Variants in TLK2 observed in about 807,000 individuals in gnomAD.
TLK2 encodes tousled like kinase 2.
A neutral mutation model predicts 117.3 loss-of-function variants in TLK2; 6 were observed. That is an observed-to-expected ratio of 0.05 (90% CI 0.03 to 0.10). TLK2 has a LOEUF of 0.10. Among genes scored for constraint, TLK2 ranks in the 10% least tolerant of loss-of-function variants. The pLI is 1.00. For missense variants in TLK2, 299 were observed against 901.2 expected (o/e 0.33, Z 8.56); for synonymous variants, 257 against 316.7 (o/e 0.81, Z 2.00).
chr17:62,559,990 A>C (rs2146338172), intron 9 of TLK2, 26 bp from the exon 10 acceptor site: 1 of 1,507,298 alleles, frequency 6.6e-7, no homozygotes, highest in African/African-American at 1.4e-5. Context: ...CCTTGGAGCT[A>C]ATTAAAAATT....
intron 11 of TLK2, among the ~76,000 whole-genome samples, chr17:62,567,329 G>T (rs1036048525): frequency 5.9e-5 from 9 of 152,206 alleles, no homozygotes; most frequent in African/African-American, 2.2e-4. Flanking sequence ...GCCCACGAGG[G>T]TCTGGAAATC....
intron 18 of TLK2, among the ~76,000 whole-genome samples, chr17:62,601,479 T>C (rs1598872310): frequency 6.6e-6 from 1 of 152,226 alleles, no homozygotes; most frequent in Non-Finnish European, 1.5e-5. Flanking sequence ...TTGCGTCTCA[T>C]TGACTATTCT....
At chr17:62,568,079 G>T (rs1236130357) in intron 11 of TLK2, among the ~76,000 whole-genome samples, 3 of 152,054 alleles carry the variant, frequency 2.0e-5, no homozygotes, top group African/African-American at 7.2e-5. Flanking sequence ...ACAGTCCATG[G>T]CAAGGCAATA....
At chr17:62,478,314 C>G (rs918169690), upstream of TLK2, among the ~76,000 whole-genome samples, 2 of 151,450 alleles carry the variant, frequency 1.3e-5, no homozygotes, top group Non-Finnish European at 3.0e-5. Flanking sequence ...ACTCGCGGAG[C>G]CGAGGGGCTG....
intron 11 of TLK2, among the ~76,000 whole-genome samples, chr17:62,565,891 C>A (rs549113226): frequency 6.6e-6 from 1 of 152,088 alleles, no homozygotes; most frequent in Non-Finnish European, 1.5e-5. Context: ...CACTGAAGAA[C>A]TTTATAGGAC....
chr17:62,513,486 G>T (rs2075323378), intron 2 of TLK2, among the ~76,000 whole-genome samples: 3 of 151,692 alleles, frequency 2.0e-5, no homozygotes, highest in Admixed American at 2.0e-4. Flanking sequence ...ACCATGGCTG[G>T]CTAACTTTTT....
chr17:62,483,965 A>G lies in TLK2; in HGVS notation c.81+2759A>G, dbSNP rs11526091. On this transcript the variant is annotated intron_variant, in intron 2 of 21. Transcript: ENST00000346027. ...CTCAGCCTCCTGAGTAGCTGGGACTATAGGCACCTGCTACCATGCCCAGCT... is the reference window on the plus strand; with the variant it reads ...CTCAGCCTCCTGAGTAGCTGGGACTGTAGGCACCTGCTACCATGCCCAGCT... Among the ~76,000 whole-genome samples, 6,142 of 152,022 alleles carry G rather than the reference A, an allele frequency of 0.04. 755 individuals are homozygous for G. The East Asian group carries it at 0.43, about 11-fold the overall frequency.
Position 62,522,279 on chromosome 17 carries a change from A to G in TLK2, c.223+6A>G, listed in dbSNP as rs560832576. 378 of 1,610,352 alleles carry G rather than the reference A, an allele frequency of 2.3e-4. 5 individuals are homozygous for G. The South Asian group carries it at 4.1e-3, about 17-fold the overall frequency. On this transcript the variant is annotated splice_donor_region_variant and intron_variant, in intron 4 of 21. Coordinates refer to ENST00000346027, the MANE Select transcript of TLK2 (RefSeq NM_006852.6). Reference sequence around the variant, plus strand: ...ACCATATGAAACTAGCCAAGGTAGTAATAATTTCGTATCAACAAAAGTACT... The same window carrying G: ...ACCATATGAAACTAGCCAAGGTAGTGATAATTTCGTATCAACAAAAGTACT...
chr17:62,532,303 TA>T lies in TLK2; in HGVS notation c.364-3864del, dbSNP rs371696139. 5.7e-3 allele frequency among the ~76,000 whole-genome samples: 868 copies of T among 152,298 alleles called. 7 individuals carry two copies. The highest frequency in any genetic ancestry group is 0.02 in the African/African-American group (827 of 41,564). On this transcript the variant is annotated intron_variant, in intron 6 of 21. Coordinates refer to ENST00000346027, the MANE Select transcript of TLK2 (RefSeq NM_006852.6). Reference sequence around the variant, plus strand: ...CATAGTGTATTTACAGAAATGTTTTTAAATCTTTCAATCCTTGGCAGGTATT... The same window carrying T: ...CATAGTGTATTTACAGAAATGTTTTTAATCTTTCAATCCTTGGCAGGTATT...
At chr17:62,534,372 G>GT (rs1567867108) in intron 6 of TLK2, among the ~76,000 whole-genome samples, 1 of 152,134 alleles carries the variant, frequency 6.6e-6, no homozygotes, top group Non-Finnish European at 1.5e-5. Flanking sequence ...TGATATTACC[G>GT]TTTAACTTAG....
At chr17:62,561,645 T>C (rs2079286473) in intron 10 of TLK2, among the ~76,000 whole-genome samples, 1 of 152,262 alleles carries the variant, frequency 6.6e-6, no homozygotes, top group Non-Finnish European at 1.5e-5. Context: ...GGAAACACTG[T>C]CTTTCAGTAA....
intron 9 of TLK2, among the ~76,000 whole-genome samples, chr17:62,559,481 G>T (rs1024600232): frequency 1.3e-5 from 2 of 151,410 alleles, no homozygotes; most frequent in Non-Finnish European, 2.9e-5. Context: ...GAGTTCAAGC[G>T]ATTCTCCCGC....
intron 7 of TLK2, among the ~76,000 whole-genome samples, chr17:62,539,345 A>G (rs190471049): frequency 2.6e-4 from 40 of 152,252 alleles, no homozygotes; most frequent in African/African-American, 8.9e-4. Context: ...TTCTCTAAGC[A>G]TACGGTCTTT....
At chr17:62,514,894 C>T (rs955082448) in intron 2 of TLK2, among the ~76,000 whole-genome samples, 1 of 152,140 alleles carries the variant, frequency 6.6e-6, no homozygotes, top group African/African-American at 2.4e-5. Flanking sequence ...CCACCGTGCC[C>T]GGCCCACCAT....
intron 7 of TLK2, among the ~76,000 whole-genome samples, chr17:62,539,301 C>T (rs760007737): frequency 1.2e-4 from 18 of 152,224 alleles, no homozygotes; most frequent in Middle Eastern, 6.8e-3. Context: ...CCTCATCTGA[C>T]GTAATTCATT....
chr17:62,606,508 A>G (rs2083311872), intron 20 of TLK2, among the ~76,000 whole-genome samples: 1 of 152,156 alleles, frequency 6.6e-6, no homozygotes, highest in African/African-American at 2.4e-5. Context: ...TGGAACATGT[A>G]TTTATTCTGA....
chr17:62,566,357 A>G (rs919927460), intron 11 of TLK2, among the ~76,000 whole-genome samples: 1 of 152,202 alleles, frequency 6.6e-6, no homozygotes, highest in Non-Finnish European at 1.5e-5. Flanking sequence ...AAATACAAAT[A>G]TTGATGCTAT....
intron 2 of TLK2, among the ~76,000 whole-genome samples, chr17:62,510,014 C>T (rs1450882056): frequency 6.6e-6 from 1 of 152,226 alleles, no homozygotes; most frequent in African/African-American, 2.4e-5. Flanking sequence ...TGCAGTGGCT[C>T]ATGCCTGTAA....
chr17:62,612,804 A>G lies in TLK2; in HGVS notation c.*239A>G, dbSNP rs1180496543. 2.6e-5 allele frequency: 9 copies of G among 346,414 alleles called. No individual in the cohort carries two copies. The highest frequency in any genetic ancestry group is 4.2e-5 in the Non-Finnish European group (8 of 192,166). The allele number at this position is 346,414 out of a possible 1,614,324, so 21.5% of individuals were successfully genotyped here. On this transcript the variant is annotated 3_prime_UTR_variant, in exon 22 of 22. Transcript: ENST00000346027. ...GGCCCCGCCCGAGGTTCCAGCGTCA[A>G]CGGCCACTGTGTGTGGCTGCTCTGA... is the stretch of plus-strand genomic sequence containing the variant.
Sources: gnomAD v4.1 joint callset for allele counts (sites outside exome capture counted in the v4.1 genomes callset) on GRCh38, gnomAD v4.1.1 for gene constraint, MANE v1.5 for transcripts, NCBI Gene and HGNC (gene_info 2026-07-23, HGNC 2026-07-21) for gene names.